SMOC2: variants seen among roughly 807,000 people sequenced by gnomAD.
The protein encoded by SMOC2 is SPARC-related modular calcium-binding protein 2.
A neutral mutation model predicts 61.4 loss-of-function variants in SMOC2; 39 were observed. That is an observed-to-expected ratio of 0.64 (90% CI 0.49 to 0.83). The LOEUF is 0.83. SMOC2 is among the 40% of genes least tolerant of loss of function. The pLI is 0.00. For synonymous variants in SMOC2, 247 were observed against 239.9 expected (o/e 1.03, Z -0.27); for missense variants, 556 against 592.9 (o/e 0.94, Z 0.65).
intron 7 of SMOC2, among the ~76,000 whole-genome samples, chr6:168,575,349 C>T (rs1784774521): frequency 6.6e-6 from 1 of 152,144 alleles, no homozygotes; most frequent in East Asian, 1.9e-4. Context: ...TCTTTCTAAG[C>T]CCTATAAGGA....
At chr6:168,479,303 G>A (rs1168479957) in intron 1 of SMOC2, among the ~76,000 whole-genome samples, 1 of 152,242 alleles carries the variant, frequency 6.6e-6, no homozygotes, top group Non-Finnish European at 1.5e-5. Flanking sequence ...GGAAGACTAT[G>A]TATAGGAGAT....
At position 168,526,441 on chromosome 6, in the gene SMOC2, A is replaced by G. The variant is rs760298244; in HGVS notation, c.352A>G (p.Thr118Ala). 1 of 1,614,006 alleles carries G rather than the reference A, an allele frequency of 6.2e-7. No individual in the cohort carries two copies. Among genetic ancestry groups the G allele is most frequent in the Non-Finnish European group, 8.5e-7 (1 of 1,179,948 alleles). ...VFIPECNDDG[T>A]YSQVQCHSYT... ...CATTCCTGAGTGCAATGACGACGGC[A>G]CCTACAGTCAGGTTACCGGCCTTGC... Residue 118 changes from threonine (T) to alanine (A), a missense_variant, in exon 3 of 13, where the codon ACC (threonine) becomes GCC (alanine). Coordinates refer to ENST00000356284, the MANE Select transcript of SMOC2 (RefSeq NM_001166412.2).
intron 5 of SMOC2, among the ~76,000 whole-genome samples, chr6:168,545,417 G>A (rs1783970872): frequency 6.6e-6 from 1 of 152,200 alleles, no homozygotes; most frequent in African/African-American, 2.4e-5. Context: ...CACTCTGATA[G>A]AGGGAAAGTA....
Position 168,453,624 on chromosome 6 carries a change from G to A in SMOC2, c.84+12170G>A, listed in dbSNP as rs1319035222. 4.6e-5 allele frequency among the ~76,000 whole-genome samples: 7 copies of A among 151,182 alleles called. No homozygotes were observed. The East Asian group carries it at 1.4e-3, about 30-fold the overall frequency. On this transcript the variant is annotated intron_variant, in intron 1 of 12. Coordinates refer to ENST00000356284, the MANE Select transcript of SMOC2 (RefSeq NM_001166412.2). This position sits in a 1 kb window ranked among gnomAD's most constrained non-coding sequence, Gnocchi z 4.4. ...TCTGTCTCTGTTTCTTCCTGTCTCTGTCTCTTTGTCTCTCTCTGTCTCTTT... is the reference window on the plus strand; with the variant it reads ...TCTGTCTCTGTTTCTTCCTGTCTCTATCTCTTTGTCTCTCTCTGTCTCTTT...
chr6:168,577,188 A>G (rs1784823135), intron 7 of SMOC2, among the ~76,000 whole-genome samples: 1 of 151,908 alleles, frequency 6.6e-6, no homozygotes, highest in South Asian at 2.1e-4. Context: ...CTTTCCTCTC[A>G]TCTCTGTAAG....
chr6:168,586,189 C>T (rs1168911515), intron 7 of SMOC2, among the ~76,000 whole-genome samples: 4 of 152,108 alleles, frequency 2.6e-5, no homozygotes, highest in African/African-American at 9.7e-5. Context: ...GCTTTTCCAT[C>T]TTTAACTGTC....
chr6:168,495,946 A>G (rs148989730), intron 1 of SMOC2, among the ~76,000 whole-genome samples: 2 of 152,340 alleles, frequency 1.3e-5, no homozygotes, highest in East Asian at 1.9e-4. Flanking sequence ...CTCAAAGCCT[A>G]TGGGTGCCCT....
At chr6:168,662,252 C>T (rs116429810) in intron 11 of SMOC2, among the ~76,000 whole-genome samples, 88 of 152,246 alleles carry the variant, frequency 5.8e-4, no homozygotes, top group African/African-American at 2.0e-3. Context: ...GGTGTGGAAG[C>T]GAGTCATCAG....
At chr6:168,616,728 G>A (rs962207943) in intron 9 of SMOC2, among the ~76,000 whole-genome samples, 2 of 152,200 alleles carry the variant, frequency 1.3e-5, no homozygotes, top group Non-Finnish European at 2.9e-5. Flanking sequence ...AGAAAAGACT[G>A]CTGCAAATAA....
At chr6:168,490,767 A>G (rs1782454950) in intron 1 of SMOC2, among the ~76,000 whole-genome samples, 1 of 152,160 alleles carries the variant, frequency 6.6e-6, no homozygotes, top group South Asian at 2.1e-4. Flanking sequence ...CTGTCTTCAA[A>G]TCCCTCCATT....
intron 9 of SMOC2, among the ~76,000 whole-genome samples, chr6:168,639,616 G>T (rs80152936): frequency 6.6e-6 from 1 of 151,942 alleles, no homozygotes; most frequent in African/African-American, 2.4e-5. Context: ...TTATCTAACC[G>T]TAGCTTAAGT....
intron 7 of SMOC2, among the ~76,000 whole-genome samples, chr6:168,550,181 G>A (rs1427429265): frequency 6.6e-6 from 1 of 152,130 alleles, no homozygotes; most frequent in Non-Finnish European, 1.5e-5. Context: ...TAGCTCTGTA[G>A]GTTTAAAGTA....
chr6:168,623,897 G>A (rs1012794939), intron 9 of SMOC2, among the ~76,000 whole-genome samples: 1 of 152,208 alleles, frequency 6.6e-6, no homozygotes, highest in African/African-American at 2.4e-5. Flanking sequence ...TGCAGTGGCT[G>A]TGGGGATGGC....
At chr6:168,613,075 T>G (rs1785927515) in intron 9 of SMOC2, among the ~76,000 whole-genome samples, 1 of 152,196 alleles carries the variant, frequency 6.6e-6, no homozygotes, top group East Asian at 1.9e-4. Flanking sequence ...GCAGACTGGC[T>G]TTCCTCTGGG....
chr6:168,580,033 A>G (rs535858754), intron 7 of SMOC2, among the ~76,000 whole-genome samples: 1 of 151,820 alleles, frequency 6.6e-6, no homozygotes, highest in East Asian at 1.9e-4. Flanking sequence ...CTTGGGAGGC[A>G]TTCCCATCAG....
At chr6:168,650,482 A>G (rs1583187483) in intron 9 of SMOC2, among the ~76,000 whole-genome samples, 199 bp from the exon 10 acceptor site, 1 of 152,218 alleles carries the variant, frequency 6.6e-6, no homozygotes, top group Non-Finnish European at 1.5e-5. Flanking sequence ...TAATAATTCA[A>G]ACAATAGAGG....
chr6:168,580,286 T>A (rs1369881273), intron 7 of SMOC2, among the ~76,000 whole-genome samples: 1 of 152,236 alleles, frequency 6.6e-6, no homozygotes, highest in Non-Finnish European at 1.5e-5. Context: ...ATCCAAACCC[T>A]GTTTTTTAGA....
chr6:168,566,745 C>T (rs571441046), intron 7 of SMOC2, among the ~76,000 whole-genome samples: 1 of 152,116 alleles, frequency 6.6e-6, no homozygotes, highest in Non-Finnish European at 1.5e-5. Context: ...ATGATCTGCC[C>T]GTCTCAGCCT....
At chr6:168,622,006 C>G (rs1326107895) in intron 9 of SMOC2, among the ~76,000 whole-genome samples, 1 of 151,992 alleles carries the variant, frequency 6.6e-6, no homozygotes, top group Non-Finnish European at 1.5e-5. Context: ...CGCTCTGTGG[C>G]CCAGGCTGGA....
Sources: gnomAD v4.1 joint callset for allele counts (sites outside exome capture counted in the v4.1 genomes callset) on GRCh38, gnomAD v4.1.1 for gene constraint, Gnocchi (gnomAD v3.1) non-coding constraint, MANE v1.5 for transcripts, NCBI Gene and HGNC (gene_info 2026-07-23, HGNC 2026-07-21) for gene names.